The following DSCAM variants were observed in gnomAD, a reference collection of about 807,000 sequenced individuals.
DSCAM encodes the protein cell adhesion molecule DSCAM.
DSCAM carries 47 observed loss-of-function variants against 217.7 expected under a neutral mutation model. That is an observed-to-expected ratio of 0.22 (90% CI 0.17 to 0.28). The LOEUF (loss-of-function observed/expected upper bound fraction) is 0.28, where lower values mean the gene tolerates loss of function less well. Among genes scored for constraint, DSCAM ranks in the 10% least tolerant of loss-of-function variants. DSCAM has a pLI of 1.00. For synonymous variants in DSCAM, 1,056 were observed against 1,015.3 expected, an observed-to-expected ratio of 1.04 and a Z score of -0.76; for missense variants, 2,080 against 2,618.3, an observed-to-expected ratio of 0.79 and a Z score of 4.49.
intron 3 of DSCAM, among the ~76,000 whole-genome samples, chr21:40,648,254 C>CACACAT (rs2089972451): frequency 6.7e-6 from 1 of 148,998 alleles, no homozygotes; most frequent in Non-Finnish European, 1.5e-5. Context: ...TCCCTGTACA[C>CACACAT]ACACACACAC....
At chr21:40,812,690 G>A (rs2091849036) in intron 1 of DSCAM, among the ~76,000 whole-genome samples, 1 of 152,172 alleles carries the variant, frequency 6.6e-6, no homozygotes, top group Non-Finnish European at 1.5e-5. Flanking sequence ...AGTACAGTAG[G>A]AAATAGAAAG....
At chr21:40,042,294 CT>C in intron 32 of DSCAM, 76 bp downstream of exon 32, 1 of 1,512,772 alleles carries the variant, frequency 6.6e-7, no homozygotes, top group Non-Finnish European at 9.0e-7. Context: ...CTGAGAAGGG[CT>C]TTCACAGCAG....
At chr21:40,047,094 T>C (rs1351771550) in intron 30 of DSCAM, among the ~76,000 whole-genome samples, 1 of 147,846 alleles carries the variant, frequency 6.8e-6, no homozygotes, top group Admixed American at 7.1e-5. Flanking sequence ...TTAGTTTCCT[T>C]AAACCACAGC....
chr21:40,288,769 C>T (rs180809092), intron 10 of DSCAM, among the ~76,000 whole-genome samples: 33 of 152,250 alleles, frequency 2.2e-4, no homozygotes, highest in Admixed American at 5.9e-4. Flanking sequence ...TGGCTATGTG[C>T]CAGAAGCCAT....
chr21:40,716,170 T>C (rs1474801548), intron 1 of DSCAM, among the ~76,000 whole-genome samples: 1 of 152,206 alleles, frequency 6.6e-6, no homozygotes, highest in Non-Finnish European at 1.5e-5. Context: ...GGTTTAATAA[T>C]GTAACATAAA....
At chr21:40,206,175 C>G (rs932191861) in intron 11 of DSCAM, among the ~76,000 whole-genome samples, 1 of 152,148 alleles carries the variant, frequency 6.6e-6, no homozygotes, top group Non-Finnish European at 1.5e-5. Flanking sequence ...TTTGAACACC[C>G]GTGTGAGTCT....
chr21:40,380,887 C>G (rs2075013937), intron 3 of DSCAM, among the ~76,000 whole-genome samples: 1 of 151,740 alleles, frequency 6.6e-6, no homozygotes, highest in Non-Finnish European at 1.5e-5. Flanking sequence ...CACGGTGAAA[C>G]CCCGTCTCTA....
chr21:40,533,567 A>ACCTG (rs1307458598), intron 3 of DSCAM, among the ~76,000 whole-genome samples: 2 of 148,270 alleles, frequency 1.3e-5, no homozygotes, highest in African/African-American at 2.5e-5. Flanking sequence ...TCATCCATCC[A>ACCTG]TCCATCCATC....
intron 3 of DSCAM, among the ~76,000 whole-genome samples, chr21:40,637,606 A>T (rs531964827): frequency 5.4e-5 from 2 of 36,770 alleles, no homozygotes; most frequent in Non-Finnish European, 1.0e-4. Flanking sequence ...TATATATATA[A>T]ATATATATAA....
chr21:40,804,961 T>C (rs1487663200), intron 1 of DSCAM, among the ~76,000 whole-genome samples: 2 of 152,138 alleles, frequency 1.3e-5, no homozygotes, highest in Non-Finnish European at 2.9e-5. Context: ...ACCCCCATAA[T>C]TGGTCTAATG....
chr21:40,506,597 G>A (rs1479925503), intron 3 of DSCAM, among the ~76,000 whole-genome samples: 1 of 152,138 alleles, frequency 6.6e-6, no homozygotes, highest in African/African-American at 2.4e-5. Flanking sequence ...ACACCACACT[G>A]TCGAGTTTGT....
intron 3 of DSCAM, among the ~76,000 whole-genome samples, chr21:40,625,074 A>C (rs913772495): frequency 6.6e-6 from 1 of 152,222 alleles, no homozygotes; most frequent in Non-Finnish European, 1.5e-5. Flanking sequence ...ATAAATGTTT[A>C]GTTTAAATCA....
intron 27 of DSCAM, among the ~76,000 whole-genome samples, chr21:40,067,556 T>C (rs929078098): frequency 2.0e-5 from 3 of 152,216 alleles, no homozygotes; most frequent in African/African-American, 7.2e-5. Flanking sequence ...GGAACTTGTG[T>C]AATAGTTCTT....
intron 3 of DSCAM, among the ~76,000 whole-genome samples, chr21:40,370,397 A>C (rs1040435811): frequency 1.3e-5 from 2 of 152,200 alleles, no homozygotes. Flanking sequence ...TGTGATTTTT[A>C]TCTTTGAAAA....
intron 16 of DSCAM, among the ~76,000 whole-genome samples, chr21:40,166,620 C>T (rs978414525): frequency 6.6e-6 from 1 of 152,238 alleles, no homozygotes; most frequent in Non-Finnish European, 1.5e-5. Flanking sequence ...CAATTGTTTA[C>T]ACTGTGGCTC....
Position 40,478,792 on chromosome 21 carries a change from A to G in DSCAM, c.509-109547T>C, listed in dbSNP as rs367989619. On this transcript the variant is annotated intron_variant, in intron 3 of 32. Transcript: ENST00000400454. ...CCAATGGATGCCTGAAACTTCGGAT[A>G]GTACTGAATCCTTTATATGCTTTGT... Among the ~76,000 whole-genome samples, 15 of 152,238 alleles carry G rather than the reference A, an allele frequency of 9.9e-5. 1 individual carries two copies. Among genetic ancestry groups the G allele is most frequent in the East Asian group, 7.7e-4 (4 of 5,198 alleles).
intron 3 of DSCAM, among the ~76,000 whole-genome samples, chr21:40,577,241 T>TAA (rs67100943): frequency 5.6e-5 from 8 of 141,708 alleles, no homozygotes; most frequent in Admixed American, 5.6e-4. Context: ...AAAGCTTTAT[T>TAA]AAAAAAAAAA....
chr21:40,012,748 T>C lies in DSCAM; in HGVS notation c.*286A>G. 4.8e-6 allele frequency: 1 copy of C among 207,300 alleles called. No homozygotes were observed. The highest frequency in any genetic ancestry group is 9.5e-6 in the Non-Finnish European group (1 of 105,378). 12.8% of individuals were successfully genotyped at this position (207,300 alleles called of 1,614,324 possible). On this transcript the variant is annotated 3_prime_UTR_variant, in exon 33 of 33. Transcript: ENST00000400454. ...CAGAAGGTTTAATTAATCCCCCCCATGCACTTTTGTAGAAAATCAGTAAAA... is the reference window on the plus strand; with the variant it reads ...CAGAAGGTTTAATTAATCCCCCCCACGCACTTTTGTAGAAAATCAGTAAAA...
At chr21:40,441,019 TC>T (rs773682125) in intron 3 of DSCAM, among the ~76,000 whole-genome samples, 26 of 152,252 alleles carry the variant, frequency 1.7e-4, no homozygotes, top group Admixed American at 2.0e-4. Context: ...AGCCCTTCTT[TC>T]CCCCAACCCC....
Sources: allele counts gnomAD v4.1 joint callset (sites outside exome capture counted in the v4.1 genomes callset), GRCh38; gene constraint gnomAD v4.1.1; transcripts MANE v1.5; gene names NCBI Gene and HGNC (gene_info 2026-07-23, HGNC 2026-07-21).